The following RALGPS1 variants were observed in gnomAD, a reference collection of about 807,000 sequenced individuals.
RALGPS1 encodes ras-specific guanine nucleotide-releasing factor RalGPS1.
Under a neutral mutation model 78.8 loss-of-function variants are expected in RALGPS1, and 19 were observed. That is an observed-to-expected ratio of 0.24 (90% CI 0.17 to 0.35). The LOEUF (loss-of-function observed/expected upper bound fraction) is 0.35. Ranked by LOEUF, RALGPS1 falls within the 10% of genes least tolerant of loss-of-function variation. RALGPS1 has a pLI of 1.00. For missense variants in RALGPS1, 454 were observed against 688.3 expected (o/e 0.66, Z 3.81); for synonymous variants, 228 against 256.3 (o/e 0.89, Z 1.06).
At chr9:126,991,165 T>A (rs1261170098) in intron 4 of RALGPS1, among the ~76,000 whole-genome samples, 1 of 152,218 alleles carries the variant, frequency 6.6e-6, no homozygotes, top group Non-Finnish European at 1.5e-5. Context: ...ATTGGTCTGT[T>A]TTAACAGTTT....
rs1429089569 is a variant in RALGPS1 at position 127,183,483 on chromosome 9, G to C, written c.910+8701G>C. Reference sequence around the variant, plus strand: ...GGGCCACCTCGGTCCACAGGAGGCCGTACCTGTCCTCATTCTAACAGACCT... The same window carrying C: ...GGGCCACCTCGGTCCACAGGAGGCCCTACCTGTCCTCATTCTAACAGACCT... On this transcript the variant is annotated intron_variant, in intron 11 of 18. Transcript: ENST00000259351. This position sits in a 1 kb window ranked among gnomAD's most constrained non-coding sequence, Gnocchi z 4.0. Among the ~76,000 whole-genome samples, 1 of 152,138 alleles carries C rather than the reference G, an allele frequency of 6.6e-6. No homozygotes were observed. The highest frequency in any genetic ancestry group is 1.5e-5 in the Non-Finnish European group (1 of 68,026).
At chr9:127,079,313 A>G (rs1466641709) in intron 8 of RALGPS1, among the ~76,000 whole-genome samples, 1 of 152,192 alleles carries the variant, frequency 6.6e-6, no homozygotes, top group Non-Finnish European at 1.5e-5. Context: ...AAGGATTGGG[A>G]CAAAGGAAAG....
intron 8 of RALGPS1, among the ~76,000 whole-genome samples, chr9:127,070,810 G>A (rs962474617): frequency 3.3e-5 from 5 of 151,740 alleles, no homozygotes; most frequent in Non-Finnish European, 7.4e-5. Flanking sequence ...TTACATTTTT[G>A]ACAATTTTAA....
chr9:127,166,999 T>G (rs2059326052), intron 9 of RALGPS1, among the ~76,000 whole-genome samples: 1 of 137,908 alleles, frequency 7.3e-6, no homozygotes, highest in Non-Finnish European at 1.6e-5. Context: ...AGGCGGTTAG[T>G]CAGCGGAAGT....
Position 127,052,859 on chromosome 9 carries a change from C to A in RALGPS1, c.403C>A (p.Leu135Ile), listed in dbSNP as rs754911211. Residue 135 changes from leucine to isoleucine, a missense_variant, in exon 7 of 19, where the codon CTC (leucine) becomes ATC (isoleucine). Leu to Ile is a conservative substitution (Grantham distance 5). Transcript: ENST00000259351. ...ATCTTTTTTTCAGAAACTTCTAGAA[C>A]TCAACAACCTTCATTCTCTCATGTC... The part of the protein sequence containing the change: ...FVKIAKKLLE[L>I]NNLHSLMSVV... 1 of 1,606,294 alleles carries A rather than the reference C, an allele frequency of 6.2e-7. No individual in the cohort carries two copies. The highest frequency in any genetic ancestry group is 8.5e-7 in the Non-Finnish European group (1 of 1,173,170).
chr9:127,154,195 C>T (rs2139186341), intron 8 of RALGPS1, among the ~76,000 whole-genome samples: 1 of 152,368 alleles, frequency 6.6e-6, no homozygotes, highest in East Asian at 1.9e-4. Flanking sequence ...GTGGGAATAG[C>T]GCTGCCTACA....
chr9:126,989,789 C>G, intron 4 of RALGPS1: 1 of 1,446,840 alleles, frequency 6.9e-7, no homozygotes, highest in Non-Finnish European at 9.2e-7. Context: ...CTGTGGGACA[C>G]TTACTCTAGA....
chr9:126,920,170 T>C (rs185410674), intron 1 of RALGPS1, among the ~76,000 whole-genome samples: 84 of 152,276 alleles, frequency 5.5e-4, no homozygotes, highest in African/African-American at 2.0e-3. Flanking sequence ...TCTTGTTGAA[T>C]AGTGTGATGG....
intron 1 of RALGPS1, among the ~76,000 whole-genome samples, chr9:126,940,536 T>C (rs2036676500): frequency 6.7e-6 from 1 of 149,532 alleles, no homozygotes; most frequent in Non-Finnish European, 1.5e-5. Context: ...GCCTCCCGGG[T>C]TCACGCCATT....
chr9:127,169,829 C>T (rs560893916), intron 10 of RALGPS1, among the ~76,000 whole-genome samples: 14 of 152,194 alleles, frequency 9.2e-5, no homozygotes, highest in Middle Eastern at 3.4e-3. Flanking sequence ...TTGTGTTAGA[C>T]GATTTTGTAA....
At chr9:127,175,854 C>G (rs571740281) in intron 11 of RALGPS1, among the ~76,000 whole-genome samples, 1 of 152,112 alleles carries the variant, frequency 6.6e-6, no homozygotes, top group Non-Finnish European at 1.5e-5. Context: ...CACACCTCCC[C>G]TAGCCCGTTG....
At chr9:127,115,715 G>A (rs1210865736) in intron 8 of RALGPS1, among the ~76,000 whole-genome samples, 4 of 152,240 alleles carry the variant, frequency 2.6e-5, no homozygotes, top group African/African-American at 9.6e-5. Flanking sequence ...ACTGTTGACT[G>A]AATAAGTAGA....
chr9:126,931,592 A>G (rs79532886), intron 1 of RALGPS1, among the ~76,000 whole-genome samples: 2,063 of 152,264 alleles, frequency 0.014, 54 homozygotes, highest in African/African-American at 0.047. Context: ...CAGAACGTAG[A>G]TTCATAGTTG....
At chr9:127,163,775 A>G (rs1564697805) in intron 8 of RALGPS1, among the ~76,000 whole-genome samples, 1 of 152,258 alleles carries the variant, frequency 6.6e-6, no homozygotes, top group Admixed American at 6.5e-5. Flanking sequence ...TAATGAACAT[A>G]TAACTCTTAG....
At chr9:126,922,808 T>A (rs1258768432) in intron 1 of RALGPS1, among the ~76,000 whole-genome samples, 1 of 152,258 alleles carries the variant, frequency 6.6e-6, no homozygotes, top group Non-Finnish European at 1.5e-5. Flanking sequence ...ACCCCAGGGC[T>A]GGTACAAGGC....
At position 127,091,182 on chromosome 9, in the gene RALGPS1, G is replaced by A. The variant is rs2052422007; in HGVS notation, c.610+21826G>A. On this transcript the variant is annotated intron_variant, in intron 8 of 18. Coordinates refer to ENST00000259351, the MANE Select transcript of RALGPS1 (RefSeq NM_014636.3). This position sits in a 1 kb window ranked among gnomAD's most constrained non-coding sequence, Gnocchi z 4.3. ...TCTACCCTTCTCCCTACTCTGCAAT[G>A]TAGTTCTTGTCCTTACTTCCAGATG... 6.6e-6 allele frequency among the ~76,000 whole-genome samples: 1 copy of A among 152,254 alleles called. No homozygotes were observed. The highest frequency in any genetic ancestry group is 2.4e-5 in the African/African-American group (1 of 41,468).
In RALGPS1 at chr9:127,064,075, A is replaced by G. The variant is rs1290355653; in HGVS notation, c.484-5155A>G. On this transcript the variant is annotated intron_variant, in intron 7 of 18. Transcript: ENST00000259351. Reference sequence around the variant, plus strand: ...CAGAAATGTTATCATACAGGCAAGCACAATCATGATCAGTATTATGGAAGA... The same window carrying G: ...CAGAAATGTTATCATACAGGCAAGCGCAATCATGATCAGTATTATGGAAGA... Among the ~76,000 whole-genome samples, 4 of 152,234 alleles carry G rather than the reference A, an allele frequency of 2.6e-5. No individual in the cohort carries two copies. In the South Asian group the frequency reaches 8.3e-4, roughly 32 times the overall value.
chr9:126,976,573 G>A (rs1218504180), intron 3 of RALGPS1, among the ~76,000 whole-genome samples: 3 of 152,144 alleles, frequency 2.0e-5, no homozygotes, highest in Non-Finnish European at 4.4e-5. Flanking sequence ...TTTTCTAGAT[G>A]TGGTACCTGA....
intron 5 of RALGPS1, among the ~76,000 whole-genome samples, chr9:127,048,041 GTC>G (rs761873501): frequency 2.4e-4 from 37 of 152,128 alleles, no homozygotes; most frequent in Non-Finnish European, 4.4e-4. Flanking sequence ...TCTAATGGGT[GTC>G]TCTATCCTTG....
Sources: allele counts gnomAD v4.1 joint callset (sites outside exome capture counted in the v4.1 genomes callset), GRCh38; gene constraint gnomAD v4.1.1; non-coding constraint Gnocchi (gnomAD v3.1); transcripts MANE v1.5; gene names NCBI Gene and HGNC (gene_info 2026-07-23, HGNC 2026-07-21).